The following RIPOR2 variants were observed in gnomAD, a reference collection of about 807,000 sequenced individuals.
RIPOR2 encodes the protein RHO family interacting cell polarization regulator 2.
RIPOR2 carries 39 observed loss-of-function variants against 114.5 expected under a neutral mutation model. That is an observed-to-expected ratio of 0.34 (90% CI 0.26 to 0.44). The LOEUF is 0.44. Among genes scored for constraint, RIPOR2 ranks in the 20% least tolerant of loss-of-function variants. The probability of loss-of-function intolerance (pLI) is 1.00; values close to 1 mark genes in which losing one functional copy is unlikely to be tolerated. For missense variants in RIPOR2, 1,007 were observed against 1,255.1 expected (o/e 0.80, Z 2.99); for synonymous variants, 445 against 484.4 (o/e 0.92, Z 1.07).
intron 1 of RIPOR2, among the ~76,000 whole-genome samples, chr6:24,957,749 C>T (rs1773104832): frequency 6.6e-6 from 1 of 152,152 alleles, no homozygotes; most frequent in Non-Finnish European, 1.5e-5. Context: ...GTGGCAGGCG[C>T]CTGTAGTCCC....
At chr6:25,019,774 C>CAAAAAAAAAAAAA (rs34107737) in intron 1 of RIPOR2, among the ~76,000 whole-genome samples, 60 of 53,042 alleles carry the variant, frequency 1.1e-3, no homozygotes, top group East Asian at 1.7e-3. Context: ...GACTCTGTCT[C>CAAAAAAAAAAAAA]AAAAAAAAAA....
At chr6:25,002,163 T>C (rs936084019) in intron 1 of RIPOR2, among the ~76,000 whole-genome samples, 1 of 152,252 alleles carries the variant, frequency 6.6e-6, no homozygotes, top group Non-Finnish European at 1.5e-5. Flanking sequence ...AATCATAGTG[T>C]GCCAACCTTT....
chr6:24,890,789 G>C (rs1261160493), intron 1 of RIPOR2, among the ~76,000 whole-genome samples: 1 of 151,728 alleles, frequency 6.6e-6, no homozygotes, highest in Admixed American at 6.6e-5. Context: ...TGAGTAGCTA[G>C]GACTACAGGC....
At chr6:24,840,448 CA>C (rs1761589675) in intron 13 of RIPOR2, 2 of 1,301,920 alleles carry the variant, frequency 1.5e-6, no homozygotes, top group South Asian at 1.6e-5. Flanking sequence ...ACATTACAAG[CA>C]AAACAATGCC....
rs142284117 is a variant in RIPOR2 at position 24,930,333 on chromosome 6, A to C, written c.61+5505T>G. Among the ~76,000 whole-genome samples, 28 of 152,356 alleles carry C rather than the reference A, an allele frequency of 1.8e-4. No individual in the cohort carries two copies. The East Asian group carries it at 4.6e-3, about 25-fold the overall frequency. On this transcript the variant is annotated intron_variant, in intron 1 of 21. Transcript: ENST00000643898. ...ACATACTCTAGTATATCTTACACACATCATTCCTAAAAAGTTAAGACTTGG... is the reference window on the plus strand; with the variant it reads ...ACATACTCTAGTATATCTTACACACCTCATTCCTAAAAAGTTAAGACTTGG...
intron 13 of RIPOR2, chr6:24,839,473 T>C: frequency 7.0e-7 from 1 of 1,426,380 alleles, no homozygotes; most frequent in Non-Finnish European, 9.4e-7. Flanking sequence ...TATCTGGGAC[T>C]GGTTGCAGAA....
intron 10 of RIPOR2, 75 bp from the exon 11 acceptor site, chr6:24,850,025 T>C: frequency 7.7e-7 from 1 of 1,291,990 alleles, no homozygotes; most frequent in Non-Finnish European, 1.1e-6. Context: ...GTCATTTTTT[T>C]TACTGAGCTA....
rs932305306 is a variant in RIPOR2 at position 24,933,199 on chromosome 6, C to T, written c.61+2639G>A. On this transcript the variant is annotated intron_variant, in intron 1 of 21. Coordinates refer to ENST00000643898, the MANE Select transcript of RIPOR2 (RefSeq NM_001286445.3). ...TTAACCAGACGTGAAAAAATGGTCA[C>T]TATTCTATAAACCCATTTTTGTAAA... Among the ~76,000 whole-genome samples the T allele has an allele frequency of 3.9e-4, 59 of 152,182 alleles. 3 individuals are homozygous for T. The highest frequency in any genetic ancestry group is 1.5e-5 in the Non-Finnish European group (1 of 68,036).
At chr6:25,021,393 G>T (rs1254550318) in intron 1 of RIPOR2, among the ~76,000 whole-genome samples, 1 of 152,176 alleles carries the variant, frequency 6.6e-6, no homozygotes, top group Non-Finnish European at 1.5e-5. Flanking sequence ...GCACCCAAAT[G>T]CCCATCGATC....
intron 18 of RIPOR2, among the ~76,000 whole-genome samples, chr6:24,827,030 G>A (rs938897305): frequency 2.6e-5 from 4 of 151,902 alleles, no homozygotes; most frequent in Non-Finnish European, 5.9e-5. Flanking sequence ...CTTGGGGACC[G>A]TGTAATAAGA....
At chr6:24,933,658 G>A (rs1417992654) in intron 1 of RIPOR2, among the ~76,000 whole-genome samples, 1 of 152,208 alleles carries the variant, frequency 6.6e-6, no homozygotes, top group Non-Finnish European at 1.5e-5. Flanking sequence ...CAAACATTAT[G>A]CATCTACTAT....
chr6:25,040,523 T>G (rs139805891), intron 1 of RIPOR2, among the ~76,000 whole-genome samples: 9 of 152,266 alleles, frequency 5.9e-5, no homozygotes, highest in Admixed American at 1.3e-4. Context: ...TATTACATAT[T>G]TAAAATTCAA....
rs1772321896 is a variant in RIPOR2 at position 24,944,736 on chromosome 6, CACA to C, written c.77-68922_77-68920del. ...CAAGTAGGATAAACTCAAAGAAATC[CACA>C]ACTAGACACATCATAATCAAACAGT... On this transcript the variant is annotated intron_variant, in intron 1 of 13. Coordinates refer to the RIPOR2 transcript ENST00000510784. Among the ~76,000 whole-genome samples, 13 of 152,016 alleles carry C rather than the reference CACA, an allele frequency of 8.6e-5. No homozygotes were observed. The South Asian group carries it at 2.7e-3, about 32-fold the overall frequency.
chr6:24,998,274 A>G (rs1439730457), intron 1 of RIPOR2, among the ~76,000 whole-genome samples: 1 of 152,196 alleles, frequency 6.6e-6, no homozygotes, highest in Non-Finnish European at 1.5e-5. Context: ...GAGAATCTCA[A>G]CAAAATGATC....
intron 1 of RIPOR2, among the ~76,000 whole-genome samples, chr6:25,029,411 GAAAA>G (rs71544610): frequency 4.4e-5 from 4 of 90,614 alleles, no homozygotes; most frequent in South Asian, 4.3e-4. Flanking sequence ...TCTCAAAAAA[GAAAA>G]AAAAAAAAAA....
chr6:24,818,967 G>C (rs923773281), intron 19 of RIPOR2, among the ~76,000 whole-genome samples: 7 of 151,816 alleles, frequency 4.6e-5, no homozygotes, highest in Admixed American at 3.9e-4. Flanking sequence ...AGCTGTTTTT[G>C]ATCCCAGATC....
intron 4 of RIPOR2, among the ~76,000 whole-genome samples, chr6:24,871,387 T>C (rs914547259): frequency 1.3e-5 from 2 of 152,218 alleles, no homozygotes; most frequent in African/African-American, 4.8e-5. Flanking sequence ...AGTTTCGCTC[T>C]TTTGCCCAGG....
chr6:24,873,103 C>T (rs561368182), intron 3 of RIPOR2, 144 bp from the exon 4 acceptor site: 6 of 609,412 alleles, frequency 9.8e-6, no homozygotes, highest in Non-Finnish European at 1.7e-5. Flanking sequence ...TTTTCCCAGT[C>T]TTTCAACATT....
intron 1 of RIPOR2, among the ~76,000 whole-genome samples, chr6:24,921,328 A>ATTT (rs879468028): frequency 1.0e-4 from 14 of 139,702 alleles, no homozygotes; most frequent in African/African-American, 3.4e-4. Flanking sequence ...ACACCCAGCT[A>ATTT]TTTTTTTTTT....
Sources: allele counts gnomAD v4.1 joint callset (sites outside exome capture counted in the v4.1 genomes callset), GRCh38; gene constraint gnomAD v4.1.1; transcripts MANE v1.5; gene names NCBI Gene and HGNC (gene_info 2026-07-23, HGNC 2026-07-21).